CCPG1: variants seen among roughly 807,000 people sequenced by gnomAD.
CCPG1 encodes the protein cell cycle progression protein 1.
A neutral mutation model predicts 81.3 loss-of-function variants in CCPG1; 46 were observed. That is an observed-to-expected ratio of 0.57 (90% CI 0.45 to 0.72). The LOEUF (loss-of-function observed/expected upper bound fraction) is 0.72, where lower values mean the gene tolerates loss of function less well. Among genes scored for constraint, CCPG1 ranks in the 30% least tolerant of loss-of-function variants. The probability of loss-of-function intolerance (pLI) is 0.00; values close to 1 mark genes in which losing one functional copy is unlikely to be tolerated. For synonymous variants in CCPG1, 330 were observed against 305.2 expected, an observed-to-expected ratio of 1.08 and a Z score of -0.85; for missense variants, 902 against 937.6, an observed-to-expected ratio of 0.96 and a Z score of 0.50.
At chr15:55,372,330 T>C in intron 5 of CCPG1, 1 of 423,496 alleles carries the variant, frequency 2.4e-6, no homozygotes, top group East Asian at 4.9e-5. Context: ...CCTTATAGTT[T>C]ACACTCTTAG....
At chr15:55,381,350 T>G (rs984910361) in intron 3 of CCPG1, among the ~76,000 whole-genome samples, 1 of 149,020 alleles carries the variant, frequency 6.7e-6, no homozygotes, top group African/African-American at 2.5e-5. Context: ...AGGCTGAGAC[T>G]TGAACCGGGG....
intron 6 of CCPG1, among the ~76,000 whole-genome samples, chr15:55,370,767 C>T (rs1486938708): frequency 1.3e-5 from 2 of 151,618 alleles, no homozygotes; most frequent in African/African-American, 4.9e-5. Context: ...GTCCCAGCTA[C>T]TCAGGAGGCT....
At chr15:55,362,227 T>C (rs2056216654) in intron 7 of CCPG1, among the ~76,000 whole-genome samples, 2 of 151,584 alleles carry the variant, frequency 1.3e-5, no homozygotes, top group Admixed American at 6.6e-5. Flanking sequence ...ATCCTATGTA[T>C]AAATCTGCAA....
chr15:55,369,751 A>G (rs554405399), intron 6 of CCPG1, among the ~76,000 whole-genome samples: 32 of 152,356 alleles, frequency 2.1e-4, no homozygotes, highest in Non-Finnish European at 1.0e-4. Context: ...AAAATCCTAC[A>G]TAACAGAGAA....
intron 4 of CCPG1, 85 bp downstream of exon 4, chr15:55,378,215 G>C (rs2056606184): frequency 1.3e-6 from 1 of 787,240 alleles, no homozygotes; most frequent in Non-Finnish European, 2.0e-6. Context: ...AATAGGAATA[G>C]AATGCATAAA....
At chr15:55,383,909 A>G (rs939766869) in intron 3 of CCPG1, among the ~76,000 whole-genome samples, 3 of 152,214 alleles carry the variant, frequency 2.0e-5, no homozygotes, top group Non-Finnish European at 2.9e-5. Flanking sequence ...CAATAAGGCT[A>G]TATGGCTTCC....
chr15:55,368,238 C>T (rs977958801), intron 6 of CCPG1, among the ~76,000 whole-genome samples: 11 of 152,120 alleles, frequency 7.2e-5, no homozygotes, highest in Non-Finnish European at 4.4e-5. Context: ...CCCACCTATT[C>T]CATTATTTCT....
intron 1 of CCPG1, among the ~76,000 whole-genome samples, chr15:55,394,323 T>C (rs2056976993): frequency 6.6e-6 from 1 of 152,078 alleles, no homozygotes; most frequent in African/African-American, 2.4e-5. Flanking sequence ...TAACCAACTA[T>C]ATAAGGGAGA....
intron 1 of CCPG1, among the ~76,000 whole-genome samples, chr15:55,391,896 G>GT (rs2056923934): frequency 1.3e-5 from 1 of 74,918 alleles, no homozygotes; most frequent in South Asian, 5.1e-4. Flanking sequence ...AAGGGGGGGG[G>GT]GGGCTAGGTG....
chr15:55,364,951 C>T (rs2056291421), intron 7 of CCPG1, among the ~76,000 whole-genome samples: 1 of 152,180 alleles, frequency 6.6e-6, no homozygotes, highest in South Asian at 2.1e-4. Context: ...TTTTCTAAAC[C>T]TCTTTTCCAC....
At chr15:55,396,987 G>A (rs2141335541) in intron 1 of CCPG1, among the ~76,000 whole-genome samples, 2 of 152,138 alleles carry the variant, frequency 1.3e-5, no homozygotes, top group East Asian at 1.9e-4. Flanking sequence ...GGATCACGAG[G>A]TCAGGAGATC....
At chr15:55,393,427 A>G (rs1008118269) in intron 1 of CCPG1, among the ~76,000 whole-genome samples, 2 of 152,198 alleles carry the variant, frequency 1.3e-5, no homozygotes, top group African/African-American at 2.4e-5. Context: ...GTAACAGAGC[A>G]AGACCCTGTC....
intron 1 of CCPG1, among the ~76,000 whole-genome samples, chr15:55,397,229 A>C (rs910406808): frequency 4.1e-5 from 6 of 147,212 alleles, no homozygotes; most frequent in African/African-American, 1.0e-4. Flanking sequence ...AAAACAAACA[A>C]AAAAAAAAAC....
chr15:55,374,895 C>A (rs1414721078), intron 5 of CCPG1, among the ~76,000 whole-genome samples: 3 of 152,164 alleles, frequency 2.0e-5, no homozygotes, highest in Admixed American at 1.3e-4. Context: ...AAACTCCTTA[C>A]CTCAGGTAAT....
chr15:55,369,288 C>T (rs926423364), intron 6 of CCPG1, among the ~76,000 whole-genome samples: 1 of 152,050 alleles, frequency 6.6e-6, no homozygotes, highest in Admixed American at 6.6e-5. Context: ...GTAATCCCAG[C>T]ACTTTGGGAG....
chr15:55,401,459 G>C (rs1375574145), intron 1 of CCPG1, among the ~76,000 whole-genome samples: 1 of 152,132 alleles, frequency 6.6e-6, no homozygotes, highest in Non-Finnish European at 1.5e-5. Flanking sequence ...CTGAGGTCAG[G>C]AGTTCAAGAC....
intron 1 of CCPG1, among the ~76,000 whole-genome samples, chr15:55,390,144 G>A (rs1019780523): frequency 4.0e-5 from 6 of 151,860 alleles, no homozygotes; most frequent in South Asian, 2.1e-4. Context: ...GGCTGGTCGC[G>A]AACTCCTGAC....
chr15:55,399,214 C>G (rs1225918212), intron 1 of CCPG1, among the ~76,000 whole-genome samples: 1 of 151,962 alleles, frequency 6.6e-6, no homozygotes, highest in Non-Finnish European at 1.5e-5. Flanking sequence ...GGGAAGGCCT[C>G]CTTGAAGTCC....
chr15:55,370,351 TA>T (rs1332704997), intron 6 of CCPG1, among the ~76,000 whole-genome samples: 4 of 152,204 alleles, frequency 2.6e-5, no homozygotes, highest in African/African-American at 9.6e-5. Flanking sequence ...TAAAAGTAGT[TA>T]ATGTAAAGCA....
Sources: allele counts gnomAD v4.1 joint callset (sites outside exome capture counted in the v4.1 genomes callset), GRCh38; gene constraint gnomAD v4.1.1; transcripts MANE v1.5; gene names NCBI Gene and HGNC (gene_info 2026-07-23, HGNC 2026-07-21).